THAP4: variants seen among roughly 807,000 people sequenced by gnomAD.
The protein encoded by THAP4 is peroxynitrite isomerase THAP4.
Under a neutral mutation model 48.1 loss-of-function variants are expected in THAP4, and 18 were observed. The observed-to-expected ratio is 0.37, with a 90% CI of 0.26 to 0.56. THAP4 has a LOEUF of 0.56. Among genes scored for constraint, THAP4 ranks in the 20% least tolerant of loss-of-function variants. The probability of loss-of-function intolerance (pLI) is 0.78; values close to 1 mark genes in which losing one functional copy is unlikely to be tolerated. For synonymous variants in THAP4, 345 were observed against 324.9 expected, an observed-to-expected ratio of 1.06 and a Z score of -0.66; for missense variants, 656 against 774.9, an observed-to-expected ratio of 0.85 and a Z score of 1.82.
At chr2:241,625,176 A>C (rs2125094387) in intron 2 of THAP4, among the ~76,000 whole-genome samples, 1 of 152,082 alleles carries the variant, frequency 6.6e-6, no homozygotes, top group East Asian at 1.9e-4. Context: ...AAACACGCAC[A>C]CTACAAGAAA....
intron 5 of THAP4, among the ~76,000 whole-genome samples, chr2:241,588,480 T>G (rs1013628452): frequency 6.6e-6 from 1 of 152,128 alleles, no homozygotes; most frequent in Admixed American, 6.5e-5. Context: ...AAAACAATTT[T>G]GGAAAAAAGA....
intron 5 of THAP4, among the ~76,000 whole-genome samples, chr2:241,594,925 T>C (rs2067029765): frequency 6.6e-6 from 1 of 152,132 alleles, no homozygotes; most frequent in Non-Finnish European, 1.5e-5. Context: ...TGTTCTGAAA[T>C]TAACTGTAGT....
chr2:241,628,925 CAAAAA>C (rs34034619), intron 2 of THAP4, among the ~76,000 whole-genome samples: 100 of 64,340 alleles, frequency 1.6e-3, no homozygotes, highest in African/African-American at 5.9e-3. Context: ...GAGATTGTCT[CAAAAA>C]AAAAAAAAAA....
At chr2:241,636,461 C>G (rs746262584) in intron 1 of THAP4, among the ~76,000 whole-genome samples, 1 of 152,206 alleles carries the variant, frequency 6.6e-6, no homozygotes, top group South Asian at 2.1e-4. Context: ...CCCCAGCCGG[C>G]CGTCCCGTAG....
At chr2:241,619,397 G>T (rs2067382857) in intron 2 of THAP4, among the ~76,000 whole-genome samples, 1 of 152,228 alleles carries the variant, frequency 6.6e-6, no homozygotes, top group Non-Finnish European at 1.5e-5. Flanking sequence ...GTTCATCATT[G>T]TACAAACGTC....
intron 1 of THAP4, among the ~76,000 whole-genome samples, chr2:241,636,196 C>T (rs759279922): frequency 1.3e-5 from 2 of 152,208 alleles, no homozygotes; most frequent in Non-Finnish European, 2.9e-5. Context: ...TTTCAATAAC[C>T]CTATAAATAA....
In THAP4 at chr2:241,584,449, G is replaced by C. The variant is rs2066866130; in HGVS notation, c.*157C>G. The C allele has an allele frequency of 5.6e-6, 4 of 712,918 alleles. No individual in the cohort carries two copies. In the South Asian group the frequency reaches 6.0e-5, roughly 11 times the overall value. The allele number at this position is 712,918 out of a possible 1,614,324, so 44.2% of individuals were successfully genotyped here. A position where few individuals can be genotyped will look rare whatever the true frequency, so the allele number is the denominator to read the frequency against. On this transcript the variant is annotated 3_prime_UTR_variant, in exon 6 of 6. Coordinates refer to ENST00000407315, the MANE Select transcript of THAP4 (RefSeq NM_015963.6). ...CCATAAAAATAAAGGCCTTTTATTT[G>C]GTTTTTCTATGCCAGTACAGAAACA... is the stretch of plus-strand genomic sequence containing the variant.
chr2:241,606,593 G>A (rs150222570), intron 2 of THAP4, 120 bp from the exon 3 acceptor site: 32 of 974,002 alleles, frequency 3.3e-5, no homozygotes, highest in East Asian at 5.3e-5. Flanking sequence ...AATCCTGGGG[G>A]ACCTGTCAAG....
chr2:241,635,633 G>A (rs1270423959), intron 1 of THAP4, among the ~76,000 whole-genome samples: 1 of 152,028 alleles, frequency 6.6e-6, no homozygotes, highest in Admixed American at 6.5e-5. Context: ...AGACAGGCGT[G>A]GTGGCGCTTG....
intron 3 of THAP4, among the ~76,000 whole-genome samples, chr2:241,606,076 C>T (rs2067179978): frequency 6.6e-6 from 1 of 152,264 alleles, no homozygotes; most frequent in African/African-American, 2.4e-5. Flanking sequence ...GATTAACAAG[C>T]CTGTAATTTG....
In THAP4 at chr2:241,633,007, C is replaced by CG. The variant is rs1386200923; in HGVS notation, c.1149dup (p.Asp384ArgfsTer13). On this transcript the variant is annotated frameshift_variant, in exon 2 of 6. Coordinates refer to ENST00000407315, the MANE Select transcript of THAP4 (RefSeq NM_015963.6). LOFTEE classifies it high-confidence loss of function. This position sits in a 1 kb window ranked among gnomAD's most constrained non-coding sequence, Gnocchi z 7.5. Reference sequence around the variant, plus strand: ...TCCTGTAGCTTCCGCACCTGGCTGTCGGAGCGGCTGACCCTCTGCCGCAGG... The same window carrying CG: ...TCCTGTAGCTTCCGCACCTGGCTGTCGGGAGCGGCTGACCCTCTGCCGCAGG... The CG allele has an allele frequency of 6.2e-7, 1 of 1,613,570 alleles. No homozygotes were observed. Among genetic ancestry groups the CG allele is most frequent in the African/African-American group, 1.3e-5 (1 of 74,940 alleles).
chr2:241,637,034 G>C lies in THAP4; in HGVS notation c.-17C>G. 8.0e-7 allele frequency: 1 copy of C among 1,245,212 alleles called. No individual in the cohort carries two copies. The highest frequency in any genetic ancestry group is 1.0e-6 in the Non-Finnish European group (1 of 969,974). 77.1% of individuals were successfully genotyped at this position (1,245,212 alleles called of 1,614,324 possible). On this transcript the variant is annotated 5_prime_UTR_variant, in exon 1 of 6. Coordinates refer to ENST00000407315, the MANE Select transcript of THAP4 (RefSeq NM_015963.6). The stretch of plus-strand genomic sequence containing the variant: ...GATCACCATCGCGGGCCTTGGCCCA[G>C]CCGCGCAGCCAGGCCCCGGCCCTAG...
In THAP4 at chr2:241,610,134, G is replaced by C. The variant is rs1055193377; in HGVS notation, c.1241-3661C>G. Among the ~76,000 whole-genome samples the C allele has an allele frequency of 6.6e-6, 1 of 152,206 alleles. No individual in the cohort carries two copies. The highest frequency in any genetic ancestry group is 1.5e-5 in the Non-Finnish European group (1 of 68,014). ...CCTGGCGGCGCCCCCCAGGGTCCCA[G>C]TGGAACAGGGGCACCAGGGCCGCGG... is the stretch of plus-strand genomic sequence containing the variant. On this transcript the variant is annotated intron_variant, in intron 2 of 5. Coordinates refer to ENST00000407315, the MANE Select transcript of THAP4 (RefSeq NM_015963.6). This position sits in a 1 kb window ranked among gnomAD's most constrained non-coding sequence, Gnocchi z 4.2.
rs1489885352 is a variant in THAP4, at chr2:241,612,352, G to C, written c.1241-5879C>G. 6.6e-6 allele frequency among the ~76,000 whole-genome samples: 1 copy of C among 152,232 alleles called. No homozygotes were observed. The highest frequency in any genetic ancestry group is 6.5e-5 in the Admixed American group (1 of 15,286). ...TGGGGACGTGAACTGGCACAGCCTA[G>C]TGAAGACCATCTGGCATGTGCCTGA... On this transcript the variant is annotated intron_variant, in intron 2 of 5. Transcript: ENST00000407315. The surrounding 1 kb of genome is among the most constrained non-coding windows in gnomAD (Gnocchi z 4.1).
At chr2:241,619,901 AGTGAGGGGTGAATGAGGGGTGAGTGAGGG>A (rs2067398550) in intron 2 of THAP4, among the ~76,000 whole-genome samples, 1 of 31,308 alleles carries the variant, frequency 3.2e-5, no homozygotes. Context: ...GTGAGTCGTG[AGTGAGGGGTGAATGAGGGGTGAGTGAGGG>A]GTGAGGGGTG....
intron 2 of THAP4, among the ~76,000 whole-genome samples, chr2:241,614,405 T>A (rs1575030717): frequency 6.6e-6 from 1 of 152,164 alleles, no homozygotes; most frequent in Admixed American, 6.5e-5. Flanking sequence ...GGGATACTCA[T>A]GCACCAAGCA....
chr2:241,584,801 A>AT (rs1327392817), intron 5 of THAP4, 76 bp from the exon 6 acceptor site: 1 of 1,570,276 alleles, frequency 6.4e-7, no homozygotes. Context: ...CGCCCACTGC[A>AT]TGCCACACAC....
chr2:241,620,850 G>A (rs541632928), intron 2 of THAP4, among the ~76,000 whole-genome samples: 33 of 152,154 alleles, frequency 2.2e-4, no homozygotes, highest in Admixed American at 7.8e-4. Flanking sequence ...AATCTTACGG[G>A]ACTACCATGG....
At chr2:241,599,594 G>T (rs1016962358) in intron 5 of THAP4, among the ~76,000 whole-genome samples, 6 of 152,068 alleles carry the variant, frequency 3.9e-5, no homozygotes, top group African/African-American at 1.4e-4. Flanking sequence ...AAACTATAAA[G>T]AAATAAAGCT....
Sources: gnomAD v4.1 joint callset for allele counts (sites outside exome capture counted in the v4.1 genomes callset) on GRCh38, gnomAD v4.1.1 for gene constraint, Gnocchi (gnomAD v3.1) non-coding constraint, MANE v1.5 for transcripts, NCBI Gene and HGNC (gene_info 2026-07-23, HGNC 2026-07-21) for gene names.